Variants in BCL6 observed in about 807,000 individuals in gnomAD.
BCL6 encodes the protein B-cell lymphoma 6 protein.
A neutral mutation model predicts 59.5 loss-of-function variants in BCL6; 7 were observed. The observed-to-expected ratio is 0.12, with a 90% CI of 0.07 to 0.22. BCL6 has a LOEUF of 0.22. Among genes scored for constraint, BCL6 ranks in the 10% least tolerant of loss-of-function variants. BCL6 has a pLI of 1.00. For synonymous variants in BCL6, 339 were observed against 349.7 expected (o/e 0.97, Z 0.34); for missense variants, 685 against 939.4 (o/e 0.73, Z 3.54).
intron 1 of BCL6, among the ~76,000 whole-genome samples, chr3:187,743,391 G>A (rs1214463122): frequency 6.6e-6 from 1 of 152,012 alleles, no homozygotes; most frequent in African/African-American, 2.4e-5. Context: ...GGTGGTCAGG[G>A]GCCCTGTGAC....
At position 187,744,565 on chromosome 3, in the gene BCL6, G is replaced by C. The variant is rs540869030; in HGVS notation, c.-50+845C>G. On this transcript the variant is annotated intron_variant, in intron 1 of 9. Transcript: ENST00000406870. The stretch of plus-strand genomic sequence containing the variant: ...TAGACACGATACTTCATCTCATCTG[G>C]ATTTATGACCAAAAAAACAAAAACA... Among the ~76,000 whole-genome samples the C allele has an allele frequency of 5.3e-5, 8 of 152,196 alleles. No homozygotes were observed. The East Asian group carries it at 7.7e-4, about 15-fold the overall frequency.
intron 1 of BCL6, among the ~76,000 whole-genome samples, chr3:187,741,865 A>T (rs1711610016): frequency 6.6e-6 from 1 of 152,282 alleles, no homozygotes; most frequent in South Asian, 2.1e-4. Context: ...CTATCTCGGT[A>T]TCAGACAGGC....
At position 187,725,265 on chromosome 3, in the gene BCL6, A is replaced by ACTCCTCTGCTCACCTGCCCG. The variant is rs1452948338; in HGVS notation, c.1840-188_1840-187insCGGGCAGGTGAGCAGAGGAG. Reference sequence around the variant, plus strand: ...TGCCCACTCCTCTGCTCACCTGCCCACTCTGCTCACCTACCCGCTCTGCTC... The same window carrying ACTCCTCTGCTCACCTGCCCG: ...TGCCCACTCCTCTGCTCACCTGCCCACTCCTCTGCTCACCTGCCCGCTCTGCTCACCTACCCGCTCTGCTC... On this transcript the variant is annotated intron_variant, in intron 8 of 9. Coordinates refer to ENST00000406870, the MANE Select transcript of BCL6 (RefSeq NM_001706.5). This position sits in a 1 kb window ranked among gnomAD's most constrained non-coding sequence, Gnocchi z 4.7. Among the ~76,000 whole-genome samples the ACTCCTCTGCTCACCTGCCCG allele has an allele frequency of 1.4e-5, 2 of 142,224 alleles. No individual in the cohort carries two copies. Among genetic ancestry groups the ACTCCTCTGCTCACCTGCCCG allele is most frequent in the Non-Finnish European group, 3.1e-5 (2 of 65,066 alleles). The allele number at this position is 142,224 out of a possible 152,430, so 93.3% of individuals were successfully genotyped here.
chr3:187,729,910 G>A lies in BCL6; in HGVS notation c.495C>T (p.Asn165=). The part of the protein sequence containing the change: ...MAYRGREVVE[N]NLPLRSAPGC... Reference sequence around the variant, plus strand: ...CAGGGGCGCTCCTCAGTGGCAGGTTGTTCTCCACCACCTCACGACCCCGAT... The same window carrying A: ...CAGGGGCGCTCCTCAGTGGCAGGTTATTCTCCACCACCTCACGACCCCGAT... The change falls in exon 5 of 10, where the codon AAC becomes AAT. Residue 165 remains asparagine, a synonymous_variant. Coordinates refer to ENST00000406870, the MANE Select transcript of BCL6 (RefSeq NM_001706.5). This position sits in a 1 kb window ranked among gnomAD's most constrained non-coding sequence, Gnocchi z 5.6. The A allele has an allele frequency of 1.2e-6, 2 of 1,614,106 alleles. No homozygotes were observed. Among genetic ancestry groups the A allele is most frequent in the East Asian group, 4.5e-5 (2 of 44,876 alleles).
At chr3:187,744,976 C>T (rs1199789301) in intron 1 of BCL6, among the ~76,000 whole-genome samples, 1 of 152,132 alleles carries the variant, frequency 6.6e-6, no homozygotes, top group East Asian at 1.9e-4. Context: ...CCCGAATCAC[C>T]CCCCAAGCAC....
At chr3:187,726,583 G>A in intron 7 of BCL6, 148 bp downstream of exon 7, 3 of 1,117,352 alleles carry the variant, frequency 2.7e-6, no homozygotes, top group Non-Finnish European at 3.8e-6. Context: ...ACAAGACAGG[G>A]TTAGACCCCT....
chr3:187,745,113 A>T (rs570266385), intron 1 of BCL6, among the ~76,000 whole-genome samples: 2 of 152,210 alleles, frequency 1.3e-5, no homozygotes, highest in Admixed American at 6.5e-5. Flanking sequence ...GATTCACTCA[A>T]AGACAACAAT....
intron 2 of BCL6, 146 bp from the exon 3 acceptor site, chr3:187,733,849 A>G: frequency 1.3e-6 from 1 of 771,724 alleles, no homozygotes; most frequent in Non-Finnish European, 2.2e-6. Flanking sequence ...TCATAGTCCA[A>G]CTCTGGCCAT....
intron 2 of BCL6, chr3:187,734,618 G>C (rs1251103892): frequency 6.6e-6 from 1 of 152,296 alleles, no homozygotes; most frequent in African/African-American, 2.4e-5. Flanking sequence ...CGAGGAGCTA[G>C]CATATTGTTG....
In BCL6 at chr3:187,729,862, G is replaced by A. The variant is rs1325381881; in HGVS notation, c.543C>T (p.Ala181=). 1 of 1,614,100 alleles carries A rather than the reference G, an allele frequency of 6.2e-7. No individual in the cohort carries two copies. Among genetic ancestry groups the A allele is most frequent in the East Asian group, 2.2e-5 (1 of 44,874 alleles). ...TGGACAGGCCACTGTACAGGCTGGG[G>A]GCAAAGGCTCTGCTCTCACACCCAG... The part of the protein sequence containing the change: ...SAPGCESRAF[A]PSLYSGLSTP... Residue 181 remains alanine, a synonymous_variant, in exon 5 of 10, where the codon GCC becomes GCT. Transcript: ENST00000406870. The surrounding 1 kb of genome is among the most constrained non-coding windows in gnomAD (Gnocchi z 5.6).
chr3:187,735,279 G>C (rs13318290), intron 1 of BCL6, among the ~76,000 whole-genome samples: 3 of 152,144 alleles, frequency 2.0e-5, no homozygotes, highest in African/African-American at 7.2e-5. Flanking sequence ...TAACAATAAC[G>C]ATTCGTCCGT....
chr3:187,745,196 T>A (rs572215342), intron 1 of BCL6, among the ~76,000 whole-genome samples: 1 of 152,250 alleles, frequency 6.6e-6, no homozygotes, highest in African/African-American at 2.4e-5. Flanking sequence ...GCATTTATTT[T>A]AACACCTGAC....
intron 1 of BCL6, among the ~76,000 whole-genome samples, chr3:187,735,574 C>A (rs1056833911): frequency 2.0e-5 from 3 of 152,204 alleles, no homozygotes; most frequent in Non-Finnish European, 4.4e-5. Context: ...GTGTTCTCTC[C>A]CTTCCCTACT....
chr3:187,744,815 A>G (rs1711824695), intron 1 of BCL6, among the ~76,000 whole-genome samples: 3 of 152,200 alleles, frequency 2.0e-5, no homozygotes, highest in South Asian at 2.1e-4. Context: ...CGACGGAGCA[A>G]GGAAAGCAGT....
Position 187,726,810 on chromosome 3 carries a change from G to T in BCL6, c.1629C>A (p.Asp543Glu), listed in dbSNP as rs377588896. 10 of 1,614,102 alleles carry T rather than the reference G, an allele frequency of 6.2e-6. No homozygotes were observed. In the African/African-American group the frequency reaches 1.2e-4, roughly 19 times the overall value. ...LKRHTLQTHSDKPYKCDRCQA... is the reference protein window; with the variant it reads ...LKRHTLQTHSEKPYKCDRCQA... ...GGCAGCGGTCACACTTGTAGGGTTTGTCACTGTGGGTCTGCAGCGTGTGCC... is the reference window on the plus strand; with the variant it reads ...GGCAGCGGTCACACTTGTAGGGTTTTTCACTGTGGGTCTGCAGCGTGTGCC... The change falls in exon 7 of 10, where the codon GAC becomes GAA. Residue 543 changes from aspartate (D) to glutamate (E), a missense_variant. Coordinates refer to ENST00000406870, the MANE Select transcript of BCL6 (RefSeq NM_001706.5).
intron 1 of BCL6, among the ~76,000 whole-genome samples, chr3:187,740,983 G>C (rs1349081781): frequency 6.6e-6 from 1 of 152,068 alleles, no homozygotes; most frequent in African/African-American, 2.4e-5. Flanking sequence ...CGCCCGGGAG[G>C]TGGAACGGCG....
At chr3:187,745,186 G>T (rs186748895) in intron 1 of BCL6, among the ~76,000 whole-genome samples, 2 of 152,006 alleles carry the variant, frequency 1.3e-5, no homozygotes, top group East Asian at 1.9e-4. Context: ...CTAATCTTCG[G>T]CATTTATTTT....
At chr3:187,742,308 G>A (rs771240157) in intron 1 of BCL6, among the ~76,000 whole-genome samples, 4 of 152,146 alleles carry the variant, frequency 2.6e-5, no homozygotes, top group Non-Finnish European at 5.9e-5. Context: ...TTGACATCTA[G>A]CCGTGGCTAC....
In BCL6 at chr3:187,731,694, CG is replaced by C; in HGVS notation, c.383+14del. 4.3e-6 allele frequency: 7 copies of C among 1,612,588 alleles called. No homozygotes were observed. In the South Asian group the frequency reaches 7.7e-5, roughly 18 times the overall value. ...CTCTTCCATCTCCGACGCTTCCACCCGGGTAGCAACTCACCTGGCCTTAATA... is the reference window on the plus strand; with the variant it reads ...CTCTTCCATCTCCGACGCTTCCACCCGGTAGCAACTCACCTGGCCTTAATA... On this transcript the variant is annotated intron_variant, in intron 4 of 9. Transcript: ENST00000406870.
Sources: gnomAD v4.1 joint callset for allele counts (sites outside exome capture counted in the v4.1 genomes callset) on GRCh38, gnomAD v4.1.1 for gene constraint, Gnocchi (gnomAD v3.1) non-coding constraint, MANE v1.5 for transcripts, NCBI Gene and HGNC (gene_info 2026-07-23, HGNC 2026-07-21) for gene names.